The following KDM4B variants were observed in gnomAD, a reference collection of about 807,000 sequenced individuals.
The protein encoded by KDM4B is lysine-specific demethylase 4B.
KDM4B carries 32 observed loss-of-function variants against 125.2 expected under a neutral mutation model. The observed-to-expected ratio is 0.26, with a 90% CI of 0.19 to 0.34. The LOEUF (loss-of-function observed/expected upper bound fraction) is 0.34. Ranked by LOEUF, KDM4B falls within the 10% of genes least tolerant of loss-of-function variation. The pLI, the probability that KDM4B is intolerant of heterozygous loss-of-function variation, is 1.00. For missense variants in KDM4B, 1,190 were observed against 1,577.7 expected (o/e 0.75, Z 4.16); for synonymous variants, 721 against 677.9 (o/e 1.06, Z -0.99).
chr19:4,977,776 C>T (rs1015755154), intron 1 of KDM4B, among the ~76,000 whole-genome samples: 4 of 152,148 alleles, frequency 2.6e-5, no homozygotes, highest in Admixed American at 2.6e-4. Flanking sequence ...CTCAGGACTG[C>T]AGCATGTCTG....
At chr19:5,086,701 T>C (rs1003369008) in intron 9 of KDM4B, among the ~76,000 whole-genome samples, 1 of 152,120 alleles carries the variant, frequency 6.6e-6, no homozygotes, top group Non-Finnish European at 1.5e-5. Context: ...GAAAGCAGGT[T>C]GGCCCCCACC....
chr19:5,108,429 G>C (rs1266769338), intron 9 of KDM4B, among the ~76,000 whole-genome samples: 4 of 152,176 alleles, frequency 2.6e-5, no homozygotes, highest in African/African-American at 9.7e-5. Flanking sequence ...CTGTTCCCAA[G>C]CCCCTGCTCC....
intron 1 of KDM4B, among the ~76,000 whole-genome samples, chr19:4,986,997 C>G (rs2034857411): frequency 6.6e-6 from 1 of 151,800 alleles, no homozygotes; most frequent in African/African-American, 2.4e-5. Flanking sequence ...TGCTCTGTCG[C>G]CTAGGCTGGA....
At chr19:5,018,327 C>T (rs766776430) in intron 2 of KDM4B, among the ~76,000 whole-genome samples, 6 of 152,196 alleles carry the variant, frequency 3.9e-5, no homozygotes, top group African/African-American at 7.2e-5. Context: ...CTCATCCTGC[C>T]GAAGTTCACC....
chr19:5,141,736 T>C lies in KDM4B; in HGVS notation c.2551-2231T>C, dbSNP rs1173469092. Among the ~76,000 whole-genome samples, 1 of 152,138 alleles carries C rather than the reference T, an allele frequency of 6.6e-6. No individual in the cohort carries two copies. Among genetic ancestry groups the C allele is most frequent in the African/African-American group, 2.4e-5 (1 of 41,424 alleles). On this transcript the variant is annotated intron_variant, in intron 18 of 22. Transcript: ENST00000159111. The surrounding 1 kb of genome is among the most constrained non-coding windows in gnomAD (Gnocchi z 6.4). ...CTGGCCGCCCGCCTGGGCCAAGTTATCACCACGTTCTCAAGGCCGTGCTGC... is the reference window on the plus strand; with the variant it reads ...CTGGCCGCCCGCCTGGGCCAAGTTACCACCACGTTCTCAAGGCCGTGCTGC...
At chr19:5,038,322 T>C (rs1451790526) in intron 3 of KDM4B, among the ~76,000 whole-genome samples, 1 of 152,146 alleles carries the variant, frequency 6.6e-6, no homozygotes, top group Non-Finnish European at 1.5e-5. Flanking sequence ...TGTCGGCCCA[T>C]AGGCTCACCC....
chr19:5,061,017 G>A (rs1198710194), intron 6 of KDM4B, among the ~76,000 whole-genome samples: 1 of 152,214 alleles, frequency 6.6e-6, no homozygotes, highest in African/African-American at 2.4e-5. Flanking sequence ...AATTAAAGTG[G>A]GCTGGCGGTG....
intron 10 of KDM4B, 69 bp downstream of exon 10, chr19:5,110,887 GC>G (rs2039130413): frequency 6.8e-6 from 9 of 1,322,196 alleles, no homozygotes; most frequent in Non-Finnish European, 9.1e-6. Flanking sequence ...GGTGGCCCAG[GC>G]CCCTTCCCAC....
chr19:5,145,017 G>A (rs559760252), intron 21 of KDM4B, 115 bp downstream of exon 21: 878 of 1,406,954 alleles, frequency 6.2e-4, no homozygotes, highest in Non-Finnish European at 7.5e-4. Flanking sequence ...ACTGGCGGGT[G>A]TGGGCCATGG....
At chr19:5,017,321 A>G (rs1198499502) in intron 2 of KDM4B, among the ~76,000 whole-genome samples, 1 of 152,284 alleles carries the variant, frequency 6.6e-6, no homozygotes, top group East Asian at 1.9e-4. Context: ...CCTGGACCCA[A>G]TCTGACCCCC....
At chr19:5,033,955 A>C (rs62114356) in intron 3 of KDM4B, among the ~76,000 whole-genome samples, 35,173 of 152,052 alleles carry the variant, frequency 0.23, 4,845 homozygotes, top group East Asian at 0.65. Context: ...ACACAGTGAG[A>C]TCCCATCTCT....
At chr19:5,040,121 C>A in intron 4 of KDM4B, 110 bp downstream of exon 4, 1 of 1,210,728 alleles carries the variant, frequency 8.3e-7, no homozygotes, top group African/African-American at 1.5e-5. Context: ...ACAGCATGGC[C>A]GGCCTGCTCT....
chr19:4,983,248 G>A (rs779322647), intron 1 of KDM4B, among the ~76,000 whole-genome samples: 3 of 151,716 alleles, frequency 2.0e-5, no homozygotes, highest in Non-Finnish European at 2.9e-5. Context: ...TGCACTGAGC[G>A]TGATGCCAGC....
intron 11 of KDM4B, among the ~76,000 whole-genome samples, chr19:5,122,856 G>A (rs992759275): frequency 6.6e-6 from 1 of 152,232 alleles, no homozygotes; most frequent in African/African-American, 2.4e-5. Flanking sequence ...AACACCCACC[G>A]TGCCCAGCCC....
At chr19:5,109,578 C>T (rs557228497) in intron 9 of KDM4B, among the ~76,000 whole-genome samples, 9 of 152,344 alleles carry the variant, frequency 5.9e-5, no homozygotes, top group Admixed American at 5.9e-4. Flanking sequence ...AGGGGCCATC[C>T]TATTGGGTGT....
chr19:5,048,356 G>C (rs117371451), intron 6 of KDM4B, among the ~76,000 whole-genome samples: 8 of 152,224 alleles, frequency 5.3e-5, no homozygotes, highest in African/African-American at 1.7e-4. Context: ...GTATGCATGC[G>C]TGTGTGTGCC....
intron 1 of KDM4B, among the ~76,000 whole-genome samples, chr19:4,976,023 G>A (rs1455285840): frequency 6.6e-6 from 1 of 151,670 alleles, no homozygotes; most frequent in Non-Finnish European, 1.5e-5. Context: ...GCCGAGGCGG[G>A]TGGATCACCT....
At chr19:5,066,922 C>T (rs968900577) in intron 6 of KDM4B, among the ~76,000 whole-genome samples, 2 of 152,180 alleles carry the variant, frequency 1.3e-5, no homozygotes, top group Non-Finnish European at 1.5e-5. Flanking sequence ...GACAGTGGTG[C>T]AGAGGAGTGG....
intron 6 of KDM4B, among the ~76,000 whole-genome samples, chr19:5,064,451 A>AT (rs1385665776): frequency 8.7e-6 from 1 of 115,406 alleles, no homozygotes; most frequent in East Asian, 3.0e-4. Flanking sequence ...CTTGGCACAC[A>AT]TTCCTCGGCG....
Sources: gnomAD v4.1 joint callset for allele counts (sites outside exome capture counted in the v4.1 genomes callset) on GRCh38, gnomAD v4.1.1 for gene constraint, Gnocchi (gnomAD v3.1) non-coding constraint, MANE v1.5 for transcripts, NCBI Gene and HGNC (gene_info 2026-07-23, HGNC 2026-07-21) for gene names.